Variants in FLNC observed in about 807,000 individuals in gnomAD.
FLNC encodes the protein filamin-C.
In FLNC, 91 loss-of-function variants were observed where a neutral mutation model predicts 254.3. That is an observed-to-expected ratio of 0.36 (90% CI 0.30 to 0.43). The LOEUF (loss-of-function observed/expected upper bound fraction) is 0.43, where lower values mean the gene tolerates loss of function less well. FLNC is among the 20% of genes least tolerant of loss of function. The pLI is 1.00. For synonymous variants in FLNC, 1,430 were observed against 1,577.2 expected, an observed-to-expected ratio of 0.91 and a Z score of 2.21; for missense variants, 2,853 against 3,802.6, an observed-to-expected ratio of 0.75 and a Z score of 6.57.
At position 128,848,737 on chromosome 7, in the gene FLNC, A is replaced by G. The variant is rs1585163796; in HGVS notation, c.4737+20A>G. 6.2e-7 allele frequency: 1 copy of G among 1,612,818 alleles called. No individual in the cohort carries two copies. The highest frequency in any genetic ancestry group is 1.3e-5 in the African/African-American group (1 of 74,582). On this transcript the variant is annotated intron_variant, in intron 27 of 47. Coordinates refer to ENST00000325888, the MANE Select transcript of FLNC (RefSeq NM_001458.5). ...ATCTTGGTGAGTCTCTGTGCATCCCACCCCGCAGGTCATGCTCCAGGCACA... is the reference window on the plus strand; with the variant it reads ...ATCTTGGTGAGTCTCTGTGCATCCCGCCCCGCAGGTCATGCTCCAGGCACA...
In FLNC at chr7:128,841,606, T is replaced by G. The variant is rs1277488012; in HGVS notation, c.2121+39T>G. On this transcript the variant is annotated intron_variant, in intron 13 of 47. Coordinates refer to ENST00000325888, the MANE Select transcript of FLNC (RefSeq NM_001458.5). This position sits in a 1 kb window ranked among gnomAD's most constrained non-coding sequence, Gnocchi z 4.3. Reference sequence around the variant, plus strand: ...CAGTCTCTGCTGCCCTTACTACCCATGGCAGGGACCCTGGAAGGCAGGGCC... The same window carrying G: ...CAGTCTCTGCTGCCCTTACTACCCAGGGCAGGGACCCTGGAAGGCAGGGCC... 6.7e-7 allele frequency: 1 copy of G among 1,498,714 alleles called. No individual in the cohort carries two copies. The highest frequency in any genetic ancestry group is 1.7e-5 in the Admixed American group (1 of 59,868). 92.8% of individuals were successfully genotyped at this position (1,498,714 alleles called of 1,614,324 possible).
chr7:128,839,946 G>GA (rs1808257858), intron 8 of FLNC, 77 bp from the exon 9 acceptor site: 1 of 1,570,378 alleles, frequency 6.4e-7, no homozygotes. Flanking sequence ...GGGTTAGAAG[G>GA]ACTGTGCACA....
intron 9 of FLNC, 28 bp from the exon 10 acceptor site, chr7:128,840,520 C>A (rs768571242): frequency 1.2e-6 from 2 of 1,614,088 alleles, no homozygotes; most frequent in South Asian, 2.2e-5. Context: ...GATCTGCCTT[C>A]TTCCCCACCC....
chr7:128,851,447 A>G lies in FLNC; in HGVS notation c.5669-8A>G. 6 of 1,613,916 alleles carry G rather than the reference A, an allele frequency of 3.7e-6. No homozygotes were observed. Among genetic ancestry groups the G allele is most frequent in the Non-Finnish European group, 5.1e-6 (6 of 1,180,030 alleles). On this transcript the variant is annotated splice_region_variant and splice_polypyrimidine_tract_variant and intron_variant, in intron 34 of 47. Transcript: ENST00000325888. The stretch of plus-strand genomic sequence containing the variant: ...GACCTCTGATCTTGGCCACACCTCC[A>G]CCTACAGGGGGTCTGTCACTGGCCG...
Position 128,837,653 on chromosome 7 carries a change from C to G in FLNC, c.867C>G (p.Gly289=), listed in dbSNP as rs775809908. The change falls in exon 5 of 48, where the codon GGC becomes GGG. Residue 289 remains glycine, a synonymous_variant. Coordinates refer to ENST00000325888, the MANE Select transcript of FLNC (RefSeq NM_001458.5). ...GCCCCGTAGGCATCGAGCCACAGGG[C>G]AACACCGTGCTGCAGCCTGCCCACT... ...IAYGPGIEPQ[G]NTVLQPAHFT... 3.7e-6 allele frequency: 6 copies of G among 1,612,604 alleles called. No homozygotes were observed. Among genetic ancestry groups the G allele is most frequent in the Non-Finnish European group, 5.1e-6 (6 of 1,180,002 alleles).
At chr7:128,852,056 G>A (rs755920753) in intron 35 of FLNC, among the ~76,000 whole-genome samples, 25 of 152,144 alleles carry the variant, frequency 1.6e-4, no homozygotes, top group Non-Finnish European at 3.4e-4. Flanking sequence ...AGTAGAGACA[G>A]GGTTTCACCG....
intron 2 of FLNC, 96 bp from the exon 3 acceptor site, chr7:128,837,063 TA>T: frequency 1.1e-6 from 1 of 879,606 alleles, no homozygotes; most frequent in Non-Finnish European, 1.9e-6. Flanking sequence ...GGAAGGGGTG[TA>T]AAGCCACAGC....
Position 128,856,756 on chromosome 7 carries a change from A to G in FLNC, c.7396A>G (p.Ile2466Val), listed in dbSNP as rs1220555177. ...CCCTTTATCCACAGACAAGCACACC[A>G]TCCGCTTCATCCCCCACGAGAATGG... ...VSELDSDKHT[I>V]RFIPHENGVH... is the part of the protein sequence containing the mutation. The change falls in exon 45 of 48, where the codon ATC becomes GTC. Residue 2466 changes from isoleucine to valine, a missense_variant. Transcript: ENST00000325888. The surrounding 1 kb of genome is among the most constrained non-coding windows in gnomAD (Gnocchi z 5.9). 3 of 1,614,180 alleles carry G rather than the reference A, an allele frequency of 1.9e-6. No homozygotes were observed. The highest frequency in any genetic ancestry group is 1.7e-6 in the Non-Finnish European group (2 of 1,180,038).
rs1488371623 is a variant in FLNC at position 128,850,366 on chromosome 7, C to G, written c.5299-18C>G. The stretch of plus-strand genomic sequence containing the variant: ...GGGCCTTCCCCAGTCACTGACTGTT[C>G]CCTCTCACCTGCTGCAGGCCACAGA... On this transcript the variant is annotated intron_variant, in intron 31 of 47. Coordinates refer to ENST00000325888, the MANE Select transcript of FLNC (RefSeq NM_001458.5). 1 of 1,601,814 alleles carries G rather than the reference C, an allele frequency of 6.2e-7. No individual in the cohort carries two copies. Among genetic ancestry groups the G allele is most frequent in the East Asian group, 2.2e-5 (1 of 44,808 alleles).
rs1408409281 is a variant in FLNC, at chr7:128,856,719, C to G, written c.7385-26C>G. On this transcript the variant is annotated intron_variant, in intron 44 of 47. Coordinates refer to ENST00000325888, the MANE Select transcript of FLNC (RefSeq NM_001458.5). The surrounding 1 kb of genome is among the most constrained non-coding windows in gnomAD (Gnocchi z 5.9). The stretch of plus-strand genomic sequence containing the variant: ...CTTCTGGGGAGGGGAAGGATGGAGG[C>G]TAAGCCACCAACCCTTTATCCACAG... 2 of 1,614,086 alleles carry G rather than the reference C, an allele frequency of 1.2e-6. No homozygotes were observed. The highest frequency in any genetic ancestry group is 1.7e-6 in the Non-Finnish European group (2 of 1,180,026).
chr7:128,854,273 G>A (rs1299318424), intron 40 of FLNC, 57 bp downstream of exon 40: 48 of 1,604,436 alleles, frequency 3.0e-5, no homozygotes, highest in Non-Finnish European at 3.5e-5. Flanking sequence ...AGGGTGCTGC[G>A]GACCAGGCTT....
chr7:128,845,914 G>A (rs1439504460), intron 21 of FLNC, 76 bp from the exon 22 acceptor site: 16 of 1,336,586 alleles, frequency 1.2e-5, no homozygotes, highest in Non-Finnish European at 1.7e-5. Context: ...GAGAGGGAAA[G>A]GAGGGGGAGA....
At chr7:128,843,136 C>A in intron 16 of FLNC, 93 bp from the exon 17 acceptor site, 2 of 1,403,198 alleles carry the variant, frequency 1.4e-6, no homozygotes, top group Non-Finnish European at 2.0e-6. Flanking sequence ...CCTGTCCATG[C>A]TGGGTCCCCT....
chr7:128,849,410 G>A lies in FLNC; in HGVS notation c.5031G>A (p.Lys1677=), dbSNP rs534356967. The change falls in exon 30 of 48, where the codon AAG becomes AAA. Residue 1677 remains lysine (K), a synonymous_variant. Transcript: ENST00000325888. ...TVDAKAAGEG[K]VTCTVSTPDG... ...ATGCCAAGGCAGCCGGTGAGGGGAA[G>A]GTGACATGCACGGTGTCCACGCCGG... The A allele has an allele frequency of 1.9e-6, 3 of 1,614,214 alleles. No homozygotes were observed.
In FLNC at chr7:128,846,060, C is replaced by T. The variant is rs375986462; in HGVS notation, c.3861C>T (p.His1287=). 2.4e-4 allele frequency: 394 copies of T among 1,613,972 alleles called. No homozygotes were observed. The African/African-American group carries it at 4.6e-3, about 19-fold the overall frequency. Residue 1287 remains histidine (H), a synonymous_variant, in exon 22 of 48, where the codon CAC becomes CAT. Coordinates refer to ENST00000325888, the MANE Select transcript of FLNC (RefSeq NM_001458.5). ...CCCTAACAGCCACAGGCGGCAACCA[C>T]GTGACGGCTCGTGTGCTCAACCCCT... ...ARSLTATGGN[H]VTARVLNPSG... is the part of the protein sequence containing the mutation.
intron 1 of FLNC, among the ~76,000 whole-genome samples, chr7:128,833,053 G>A (rs1204692937): frequency 6.6e-6 from 1 of 152,226 alleles, no homozygotes; most frequent in Non-Finnish European, 1.5e-5. Flanking sequence ...AGGGTCTGGA[G>A]TAGCAGCTGG....
chr7:128,839,935 G>C (rs1373594899), intron 8 of FLNC, 88 bp from the exon 9 acceptor site: 7 of 1,530,608 alleles, frequency 4.6e-6, no homozygotes, highest in African/African-American at 2.7e-5. Context: ...GTGCCTGGGA[G>C]GGGTTAGAAG....
chr7:128,846,262 G>A (rs764442111), intron 22 of FLNC, 39 bp from the exon 23 acceptor site: 22 of 1,611,882 alleles, frequency 1.4e-5, no homozygotes, highest in African/African-American at 1.3e-4. Context: ...TGGTGGGGGC[G>A]CACACTCCCT....
chr7:128,837,181 C>A lies in FLNC; in HGVS notation c.623C>A (p.Ala208Asp), dbSNP rs1387171262. 3 of 1,602,884 alleles carry A rather than the reference C, an allele frequency of 1.9e-6. No homozygotes were observed. The highest frequency in any genetic ancestry group is 2.6e-6 in the Non-Finnish European group (3 of 1,175,388). Residue 208 changes from alanine to aspartate, a missense_variant, in exon 3 of 48, where the codon GCC (alanine) becomes GAC (aspartate). Ala to Asp is a moderately radical substitution (Grantham distance 126, BLOSUM62 -2). Transcript: ENST00000325888. ...CCAGGTCTCTGCCCCGACTGGGAGG[C>A]CTGGGACCCCAACCAGCCCGTGGAG... ...CAPGLCPDWE[A>D]WDPNQPVENA...
Sources: allele counts gnomAD v4.1 joint callset (sites outside exome capture counted in the v4.1 genomes callset), GRCh38; gene constraint gnomAD v4.1.1; non-coding constraint Gnocchi (gnomAD v3.1); transcripts MANE v1.5; gene names NCBI Gene and HGNC (gene_info 2026-07-23, HGNC 2026-07-21).